Variants in CATSPERT observed in about 807,000 individuals in gnomAD.
CATSPERT encodes the protein catsper channel auxiliary subunit tau, also known as cation channel sperm-associated targeting subunit tau.
the CATSPERT span, among the ~76,000 whole-genome samples, chr2:201,581,593 T>TATATAC: frequency 6.5e-4 from 20 of 30,776 alleles, no homozygotes; most frequent in Admixed American, 1.7e-3. Context: ...TATATATATA[T>TATATAC]ACACATACAT....
the CATSPERT span, among the ~76,000 whole-genome samples, chr2:201,562,499 A>ATTCT: frequency 2.9e-4 from 42 of 146,396 alleles, no homozygotes; most frequent in African/African-American, 1.0e-3. Context: ...TTCTCTAATA[A>ATTCT]TTCTTTATTT....
the CATSPERT span, among the ~76,000 whole-genome samples, chr2:201,512,707 G>T: frequency 6.6e-6 from 1 of 152,124 alleles, no homozygotes; most frequent in Non-Finnish European, 1.5e-5. Context: ...TTGTGTTCCA[G>T]TTTGGAGCTA....
chr2:201,549,194 T>A, the CATSPERT span, among the ~76,000 whole-genome samples: 1 of 152,152 alleles, frequency 6.6e-6, no homozygotes. Flanking sequence ...AATCTATGAG[T>A]TCAAAATAAT....
the CATSPERT span, among the ~76,000 whole-genome samples, chr2:201,606,001 A>G: frequency 6.6e-6 from 1 of 152,218 alleles, no homozygotes; most frequent in Non-Finnish European, 1.5e-5. Flanking sequence ...ATTGAAGAAG[A>G]TAAGAACCAG....
At chr2:201,511,211 C>T in the CATSPERT span, among the ~76,000 whole-genome samples, 230 of 152,304 alleles carry the variant, frequency 1.5e-3, 1 homozygote, top group African/African-American at 5.3e-3. Context: ...TATTTTAAAG[C>T]ATAATCTGGC....
chr2:201,577,166 T>C, the CATSPERT span, among the ~76,000 whole-genome samples: 835 of 152,290 alleles, frequency 5.5e-3, 7 homozygotes, highest in African/African-American at 0.019. Context: ...ATAAGATGTA[T>C]ATGAAACATA....
chr2:201,542,693 T>A, the CATSPERT span, among the ~76,000 whole-genome samples: 1 of 152,202 alleles, frequency 6.6e-6, no homozygotes, highest in Admixed American at 6.5e-5. Flanking sequence ...TCAGTCCATT[T>A]TTTATTTATT....
At chr2:201,576,473 T>C in the CATSPERT span, among the ~76,000 whole-genome samples, 1 of 152,344 alleles carries the variant, frequency 6.6e-6, no homozygotes, top group Admixed American at 6.5e-5. Flanking sequence ...ACCAATGGAC[T>C]GCCCAGCCCA....
chr2:201,619,022 T>C, the CATSPERT span: 1 of 1,614,160 alleles, frequency 6.2e-7, no homozygotes. Context: ...ATATCCGGGC[T>C]GCTGTAGGGA....
the CATSPERT span, chr2:201,491,176 GTTC>G: frequency 2.6e-6 from 4 of 1,527,614 alleles, no homozygotes; most frequent in South Asian, 2.4e-5. Context: ...TACATGTATA[GTTC>G]TTCTTGCAGT....
the CATSPERT span, among the ~76,000 whole-genome samples, chr2:201,558,477 T>G: frequency 1.3e-5 from 2 of 152,208 alleles, no homozygotes; most frequent in Non-Finnish European, 1.5e-5. Context: ...GAGGGCAGTG[T>G]GAAGGCAAAC....
chr2:201,549,474 G>A, the CATSPERT span, among the ~76,000 whole-genome samples: 8,376 of 152,084 alleles, frequency 0.055, 281 homozygotes, highest in African/African-American at 0.08. Context: ...GCCCATATAC[G>A]TAGAAGCTAA....
the CATSPERT span, among the ~76,000 whole-genome samples, chr2:201,522,937 C>T: frequency 5.9e-5 from 9 of 152,184 alleles, no homozygotes; most frequent in Non-Finnish European, 1.3e-4. Context: ...TTGGCCACTC[C>T]GACTTGCAGT....
At chr2:201,613,394 A>G in the CATSPERT span, among the ~76,000 whole-genome samples, 9 of 152,180 alleles carry the variant, frequency 5.9e-5, no homozygotes, top group African/African-American at 2.2e-4. Context: ...GCTGTTCTGC[A>G]ATATTTGCTG....
the CATSPERT span, among the ~76,000 whole-genome samples, chr2:201,594,618 A>G: frequency 5.3e-5 from 8 of 152,220 alleles, no homozygotes; most frequent in African/African-American, 1.9e-4. Context: ...AGGTACACCA[A>G]TCAGACGTAG....
the CATSPERT span, among the ~76,000 whole-genome samples, chr2:201,510,583 G>A: frequency 6.6e-6 from 1 of 152,234 alleles, no homozygotes; most frequent in Admixed American, 6.5e-5. Flanking sequence ...GGACAGGGGT[G>A]AAACCCTCAG....
the CATSPERT span, among the ~76,000 whole-genome samples, chr2:201,575,034 C>CAAAAAA: frequency 2.6e-4 from 25 of 97,740 alleles, no homozygotes; most frequent in East Asian, 5.9e-4. Context: ...CACCATTTAG[C>CAAAAAA]AAAAAAAAAA....
the CATSPERT span, among the ~76,000 whole-genome samples, chr2:201,581,477 AATATATATAT>A: frequency 0.14 from 2,106 of 14,754 alleles, 228 homozygotes; most frequent in Non-Finnish European, 0.18. Flanking sequence ...CACATTCCGG[AATATATATAT>A]ATATATATAT....
chr2:201,527,705 C>T, the CATSPERT span, among the ~76,000 whole-genome samples: 108,597 of 152,064 alleles, frequency 0.71, 39,365 homozygotes, highest in East Asian at 0.96. Context: ...TTGCTAGCCA[C>T]ATGCAGAAGA....
Sources: allele counts gnomAD v4.1 joint callset (sites outside exome capture counted in the v4.1 genomes callset), GRCh38; gene constraint gnomAD v4.1.1; transcripts MANE v1.5; gene names NCBI Gene and HGNC (gene_info 2026-07-23, HGNC 2026-07-21).